MAST4: variants seen among roughly 807,000 people sequenced by gnomAD.
MAST4 encodes microtubule associated serine/threonine kinase family member 4.
Under a neutral mutation model 162.7 loss-of-function variants are expected in MAST4, and 89 were observed. The observed-to-expected ratio is 0.55, with a 90% CI of 0.46 to 0.65. The LOEUF (loss-of-function observed/expected upper bound fraction) is 0.65. Among genes scored for constraint, MAST4 ranks in the 30% least tolerant of loss-of-function variants. The probability of loss-of-function intolerance (pLI) is 0.00; values close to 1 mark genes in which losing one functional copy is unlikely to be tolerated. For synonymous variants in MAST4, 1,479 were observed against 1,361.1 expected (o/e 1.09, Z -1.91); for missense variants, 3,153 against 3,374.0 (o/e 0.93, Z 1.62).
chr5:66,849,314 CG>C (rs1380149213), intron 3 of MAST4, among the ~76,000 whole-genome samples: 2 of 152,124 alleles, frequency 1.3e-5, no homozygotes, highest in Non-Finnish European at 2.9e-5. Context: ...ATCAAGTCTT[CG>C]CTAAGGAAAC....
At chr5:66,612,477 C>G (rs1013469637) in intron 1 of MAST4, among the ~76,000 whole-genome samples, 19 of 152,186 alleles carry the variant, frequency 1.2e-4, no homozygotes, top group African/African-American at 4.1e-4. Flanking sequence ...TCTTTGTCAA[C>G]TCTACAGGTA....
chr5:67,118,537 A>G, intron 12 of MAST4, 145 bp from the exon 13 acceptor site: 1 of 593,592 alleles, frequency 1.7e-6, no homozygotes, highest in South Asian at 2.2e-5. Flanking sequence ...GCCTTTTTTT[A>G]GATTTAAGAT....
chr5:66,948,482 C>G lies in MAST4; in HGVS notation c.674+48500C>G, dbSNP rs547319062. 3.9e-5 allele frequency among the ~76,000 whole-genome samples: 6 copies of G among 152,126 alleles called. No individual in the cohort carries two copies. In the South Asian group the frequency reaches 1.2e-3, roughly 32 times the overall value. The stretch of plus-strand genomic sequence containing the variant: ...CTGAAACCCAGAGCCTTTTGTTGTC[C>G]CCCTCCTCGCCAAGCTTAGGTAGGG... On this transcript the variant is annotated intron_variant, in intron 4 of 28. Coordinates refer to ENST00000403625, the MANE Select transcript of MAST4 (RefSeq NM_001164664.2).
chr5:67,166,382 A>G lies in MAST4; in HGVS notation c.7203A>G (p.Lys2401=), dbSNP rs1773974758. ...TTGTGCATAGCGAGAACCGGTTGAA[A>G]GGCGCGGAGCGGCCAGCCGCGGGGG... ...LSFVHSENRL[K]GAERPAAGVG... Residue 2401 remains lysine, a synonymous_variant, in exon 29 of 29, where the codon AAA becomes AAG. Coordinates refer to ENST00000403625, the MANE Select transcript of MAST4 (RefSeq NM_001164664.2). 6.2e-7 allele frequency: 1 copy of G among 1,611,300 alleles called. No homozygotes were observed. Among genetic ancestry groups the G allele is most frequent in the Non-Finnish European group, 8.5e-7 (1 of 1,178,598 alleles).
At chr5:66,773,972 G>A (rs962739737) in intron 2 of MAST4, among the ~76,000 whole-genome samples, 34 of 152,208 alleles carry the variant, frequency 2.2e-4, no homozygotes, top group African/African-American at 8.0e-4. Flanking sequence ...TCTGTGTTAA[G>A]AAGAGGCATG....
intron 5 of MAST4, among the ~76,000 whole-genome samples, chr5:67,078,942 AT>A (rs1762269216): frequency 1.0e-5 from 1 of 99,230 alleles, no homozygotes; most frequent in African/African-American, 4.7e-5. Context: ...ATATATATAT[AT>A]ATATATATGG....
At chr5:66,740,158 A>G (rs1410204352) in intron 1 of MAST4, among the ~76,000 whole-genome samples, 1 of 152,164 alleles carries the variant, frequency 6.6e-6, no homozygotes, top group Non-Finnish European at 1.5e-5. Flanking sequence ...AACCCTAAAT[A>G]AAGTCGAAAG....
In MAST4 at chr5:67,165,381, T is replaced by C. The variant is rs748051475; in HGVS notation, c.6202T>C (p.Cys2068Arg). The C allele has an allele frequency of 3.7e-6, 6 of 1,613,558 alleles. No individual in the cohort carries two copies. The East Asian group carries it at 1.3e-4, about 36-fold the overall frequency. The change falls in exon 29 of 29, where the codon TGT becomes CGT. Residue 2068 changes from cysteine to arginine, a missense_variant. Cys to Arg is a radical substitution (Grantham distance 180, BLOSUM62 -3). This residue lies in a region of MAST4 where 1,644 missense variants were observed against 1,495.0 expected (regional missense o/e 1.10). Transcript: ENST00000403625. ...CTCTCTGCACTCAGCTGGAATTCCCTGTGAGAAGGAGCTGGGCAAGGTGAG... is the reference window on the plus strand; with the variant it reads ...CTCTCTGCACTCAGCTGGAATTCCCCGTGAGAAGGAGCTGGGCAAGGTGAG... ...NSSLHSAGIPCEKELGKVRRG... is the reference protein window; with the variant it reads ...NSSLHSAGIPREKELGKVRRG...
intron 1 of MAST4, among the ~76,000 whole-genome samples, chr5:66,636,063 T>C (rs1745103207): frequency 6.8e-6 from 1 of 147,138 alleles, no homozygotes; most frequent in Non-Finnish European, 1.5e-5. Flanking sequence ...GTTCAAGCGA[T>C]TCTTCTGCCT....
chr5:66,611,715 G>A (rs1042076780), intron 1 of MAST4, among the ~76,000 whole-genome samples: 2 of 152,176 alleles, frequency 1.3e-5, no homozygotes, highest in Admixed American at 6.5e-5. Flanking sequence ...GAAGGTGCTC[G>A]CTTTGTACTC....
At chr5:67,002,554 G>A (rs1751411575) in intron 4 of MAST4, among the ~76,000 whole-genome samples, 1 of 152,184 alleles carries the variant, frequency 6.6e-6, no homozygotes, top group Non-Finnish European at 1.5e-5. Flanking sequence ...GTAGAAAGAA[G>A]CACATTGTGG....
At chr5:66,633,173 C>T (rs1001299763) in intron 1 of MAST4, among the ~76,000 whole-genome samples, 20 of 152,152 alleles carry the variant, frequency 1.3e-4, no homozygotes, top group African/African-American at 4.6e-4. Context: ...GCCTTCATTG[C>T]CCCTTTGCCC....
At chr5:67,131,473 G>A (rs1768959029) in intron 15 of MAST4, among the ~76,000 whole-genome samples, 1 of 151,370 alleles carries the variant, frequency 6.6e-6, no homozygotes, top group East Asian at 2.0e-4. Flanking sequence ...GCTAGGATTT[G>A]GACTCAGGTA....
At chr5:66,616,145 C>G (rs1355934227) in intron 1 of MAST4, among the ~76,000 whole-genome samples, 1 of 152,176 alleles carries the variant, frequency 6.6e-6, no homozygotes, top group Non-Finnish European at 1.5e-5. Context: ...GAAGTTGAAG[C>G]TCTGAAACAA....
At chr5:67,074,681 A>C (rs1447455152) in intron 5 of MAST4, among the ~76,000 whole-genome samples, 1 of 152,224 alleles carries the variant, frequency 6.6e-6, no homozygotes, top group Non-Finnish European at 1.5e-5. Flanking sequence ...AATTATAAAG[A>C]GCAGGACACA....
intron 14 of MAST4, among the ~76,000 whole-genome samples, chr5:67,125,704 A>C (rs1768144980): frequency 1.3e-5 from 2 of 152,208 alleles, no homozygotes; most frequent in Admixed American, 6.5e-5. Flanking sequence ...ACAGTGCCAC[A>C]ATAAATATAC....
intron 5 of MAST4, among the ~76,000 whole-genome samples, chr5:67,062,543 T>A (rs191036866): frequency 6.6e-6 from 1 of 152,208 alleles, no homozygotes; most frequent in East Asian, 1.9e-4. Flanking sequence ...GCTTTATAGA[T>A]CTTTAATAAA....
At chr5:66,703,638 A>G (rs547722022) in intron 1 of MAST4, among the ~76,000 whole-genome samples, 3 of 152,324 alleles carry the variant, frequency 2.0e-5, no homozygotes, top group East Asian at 1.9e-4. Flanking sequence ...TGTGTGTACC[A>G]TTCAATGATT....
chr5:67,116,581 C>T (rs922848454), intron 12 of MAST4, among the ~76,000 whole-genome samples: 5 of 151,322 alleles, frequency 3.3e-5, no homozygotes, highest in South Asian at 2.1e-4. Context: ...CAAATTGCAC[C>T]GCGCTGAGTG....
Sources: allele counts gnomAD v4.1 joint callset (sites outside exome capture counted in the v4.1 genomes callset), GRCh38; gene constraint gnomAD v4.1.1; regional missense constraint gnomAD v4.1.1; transcripts MANE v1.5; gene names NCBI Gene and HGNC (gene_info 2026-07-23, HGNC 2026-07-21).